PDE10A: variants seen among roughly 807,000 people sequenced by gnomAD.
The protein encoded by PDE10A is phosphodiesterase 10A, also known as cAMP and cAMP-inhibited cGMP 3',5'-cyclic phosphodiesterase 10A.
PDE10A carries 39 observed loss-of-function variants against 97.7 expected under a neutral mutation model. The observed-to-expected ratio is 0.40, with a 90% CI of 0.31 to 0.52. The LOEUF (loss-of-function observed/expected upper bound fraction) is 0.52, where lower values mean the gene tolerates loss of function less well. Among genes scored for constraint, PDE10A ranks in the 20% least tolerant of loss-of-function variants. PDE10A has a pLI of 0.56. For missense variants in PDE10A, 731 were observed against 1,047.8 expected (o/e 0.70, Z 4.17); for synonymous variants, 371 against 376.8 (o/e 0.98, Z 0.18).
In PDE10A at chr6:165,618,264, T is replaced by A. The variant is rs76075954; in HGVS notation, c.865+43683A>T. Among the ~76,000 whole-genome samples, 51 of 152,278 alleles carry A rather than the reference T, an allele frequency of 3.3e-4. 1 individual carries two copies. In the East Asian group the frequency reaches 9.6e-3, roughly 29 times the overall value. ...GATTTTTTTTCTTTTTTTACTCTGT[T>A]AATGTAACAAGAATTTAACTTGCAG... On this transcript the variant is annotated intron_variant, in intron 1 of 21. Transcript: ENST00000539869.
chr6:165,619,598 C>T (rs111210791), intron 1 of PDE10A, among the ~76,000 whole-genome samples: 1,360 of 106,850 alleles, frequency 0.013, 310 homozygotes, highest in African/African-American at 0.031. Flanking sequence ...TGTAGTCTAG[C>T]GTAGTGCACT....
intron 1 of PDE10A, among the ~76,000 whole-genome samples, chr6:165,620,477 A>T (rs1788074137): frequency 6.6e-6 from 1 of 152,244 alleles, no homozygotes; most frequent in Non-Finnish European, 1.5e-5. Context: ...GTCACTGTGG[A>T]AAACCTAGCT....
chr6:165,699,349 C>A (rs9348037), intron 1 of PDE10A, among the ~76,000 whole-genome samples: 2 of 151,848 alleles, frequency 1.3e-5, no homozygotes, highest in Non-Finnish European at 2.9e-5. Flanking sequence ...GGAAACAAAA[C>A]CTAATGAACA....
chr6:165,530,306 C>T (rs1181490189), intron 2 of PDE10A, among the ~76,000 whole-genome samples: 3 of 150,250 alleles, frequency 2.0e-5, no homozygotes, highest in African/African-American at 7.3e-5. Context: ...TGTACACACA[C>T]ACCCTATTAG....
chr6:165,663,607 C>A (rs1790409231), upstream of PDE10A, among the ~76,000 whole-genome samples: 1 of 152,176 alleles, frequency 6.6e-6, no homozygotes, highest in Non-Finnish European at 1.5e-5. Context: ...CCAACTCGGA[C>A]CTTTGGTTGG....
chr6:165,410,909 A>C (rs1787714386), intron 13 of PDE10A, among the ~76,000 whole-genome samples: 1 of 109,076 alleles, frequency 9.2e-6, no homozygotes, highest in South Asian at 2.8e-4. Flanking sequence ...TAACACGGTG[A>C]AACCCCGTCT....
At chr6:165,428,760 C>G in intron 9 of PDE10A, 51 bp from the exon 10 acceptor site, 1 of 658,416 alleles carries the variant, frequency 1.5e-6, no homozygotes, top group African/African-American at 1.9e-5. Context: ...GTTCACAGTA[C>G]ATATTACACT....
intron 1 of PDE10A, among the ~76,000 whole-genome samples, chr6:165,614,154 C>T (rs995181668): frequency 3.9e-5 from 6 of 152,214 alleles, no homozygotes; most frequent in African/African-American, 1.4e-4. Flanking sequence ...GTTTAGTCCA[C>T]CACTCTACTG....
chr6:165,428,783 C>A, intron 9 of PDE10A, 74 bp from the exon 10 acceptor site: 1 of 589,952 alleles, frequency 1.7e-6, no homozygotes, highest in South Asian at 2.3e-5. Flanking sequence ...GAATTCATTT[C>A]CTGGTTTTGT....
At chr6:165,794,099 A>G in intron 1 of PDE10A, among the ~76,000 whole-genome samples, 1 of 144,272 alleles carries the variant, frequency 6.9e-6, no homozygotes, top group East Asian at 2.1e-4. Context: ...GTGATGCAAC[A>G]TGGTTCTACG....
At chr6:165,448,743 T>G (rs2128248550) in intron 5 of PDE10A, among the ~76,000 whole-genome samples, 185 bp downstream of exon 5, 1 of 146,940 alleles carries the variant, frequency 6.8e-6, no homozygotes, top group Admixed American at 6.8e-5. Context: ...CACACACGAT[T>G]TTATGCCTAA....
intron 1 of PDE10A, among the ~76,000 whole-genome samples, chr6:165,887,711 A>G (rs1188718056): frequency 6.6e-6 from 1 of 152,184 alleles, no homozygotes; most frequent in Non-Finnish European, 1.5e-5. Flanking sequence ...ACACATCCAG[A>G]GTCTGACATT....
intron 2 of PDE10A, among the ~76,000 whole-genome samples, chr6:165,487,529 C>G (rs1248084035): frequency 2.6e-5 from 4 of 152,166 alleles, no homozygotes; most frequent in Middle Eastern, 3.2e-3. Flanking sequence ...TCCGACCAGT[C>G]TGTGAAACAT....
At chr6:165,509,579 T>C (rs1781396865) in intron 2 of PDE10A, among the ~76,000 whole-genome samples, 1 of 145,824 alleles carries the variant, frequency 6.9e-6, no homozygotes, top group Admixed American at 6.9e-5. Context: ...TCCATACAAA[T>C]TTCAGGATTT....
rs192798924 is a variant in PDE10A at position 165,943,633 on chromosome 6, A to G, written c.-615+43896T>C. Among the ~76,000 whole-genome samples the G allele has an allele frequency of 1.6e-3, 251 of 152,290 alleles. 2 individuals carry two copies. Among genetic ancestry groups the G allele is most frequent in the African/African-American group, 5.9e-3 (244 of 41,564 alleles). ...GTCTCAGATCATACAAAGATAATTC[A>G]CTCAAATTCACCCTTCCTCCACCTT... On this transcript the variant is annotated intron_variant, in intron 1 of 19. Coordinates refer to the PDE10A transcript ENST00000366882.
intron 1 of PDE10A, among the ~76,000 whole-genome samples, chr6:165,884,545 C>T (rs1781577367): frequency 2.0e-5 from 3 of 152,150 alleles, no homozygotes; most frequent in Admixed American, 2.0e-4. Context: ...CCTGTCTCCC[C>T]CCTGAAACTC....
exon 1 of PDE10A, chr6:165,987,768 G>A (rs868552779): frequency 3.3e-5 from 15 of 453,182 alleles, no homozygotes; most frequent in African/African-American, 3.0e-4. Context: ...AAAGGCTTGG[G>A]GCACTCTGGG....
chr6:165,445,900 G>A (rs1441689769), intron 5 of PDE10A, among the ~76,000 whole-genome samples: 2 of 151,842 alleles, frequency 1.3e-5, no homozygotes, highest in African/African-American at 4.8e-5. Flanking sequence ...GTTAGAGAGA[G>A]AGAGAGAGAG....
intron 3 of PDE10A, among the ~76,000 whole-genome samples, chr6:165,472,130 ATTTTAGGTGGTC>A (rs970449225): frequency 2.0e-5 from 3 of 152,074 alleles, no homozygotes; most frequent in Non-Finnish European, 2.9e-5. Flanking sequence ...GCCTCAGGTC[ATTTTAGGTGGTC>A]TTTTCCTAAT....
Sources: allele counts gnomAD v4.1 joint callset (sites outside exome capture counted in the v4.1 genomes callset), GRCh38; gene constraint gnomAD v4.1.1; transcripts MANE v1.5; gene names NCBI Gene and HGNC (gene_info 2026-07-23, HGNC 2026-07-21).